The following HHIP variants were observed in gnomAD, a reference collection of about 807,000 sequenced individuals.
The protein encoded by HHIP is hedgehog-interacting protein.
In HHIP, 12 loss-of-function variants were observed where a neutral mutation model predicts 74.0. The ratio of observed to expected loss-of-function variants is 0.16; its 90% CI spans 0.10 to 0.26. The LOEUF is 0.26. HHIP is among the 10% of genes least tolerant of loss of function. The pLI is 1.00. For synonymous variants in HHIP, 309 were observed against 311.6 expected (o/e 0.99, Z 0.09); for missense variants, 788 against 845.0 (o/e 0.93, Z 0.84).
chr4:144,683,686 T>C (rs1729405062), intron 4 of HHIP, among the ~76,000 whole-genome samples: 1 of 152,192 alleles, frequency 6.6e-6, no homozygotes, highest in African/African-American at 2.4e-5. Context: ...CCTGTTTTTG[T>C]AAATAAAGTT....
intron 2 of HHIP, chr4:144,654,995 A>G (rs1172267754): frequency 6.6e-6 from 1 of 152,222 alleles, no homozygotes; most frequent in Non-Finnish European, 1.5e-5. Context: ...TTCCAGAGAC[A>G]TCTTCATTTG....
intron 4 of HHIP, among the ~76,000 whole-genome samples, chr4:144,666,744 G>T (rs1361194511): frequency 6.6e-6 from 1 of 152,182 alleles, no homozygotes; most frequent in South Asian, 2.1e-4. Context: ...CAGTGAGGAG[G>T]CTGAGAGCCC....
At chr4:144,656,431 A>T (rs753840420) in intron 2 of HHIP, among the ~76,000 whole-genome samples, 1 of 152,148 alleles carries the variant, frequency 6.6e-6, no homozygotes, top group African/African-American at 2.4e-5. Flanking sequence ...TTTGAAAATG[A>T]CTTCTCATTT....
chr4:144,674,284 A>T, intron 4 of HHIP, among the ~76,000 whole-genome samples: 1 of 152,208 alleles, frequency 6.6e-6, no homozygotes, highest in East Asian at 1.9e-4. Context: ...ATGAACACAT[A>T]TTTTAACTTC....
chr4:144,654,150 T>A (rs977079027), intron 2 of HHIP, among the ~76,000 whole-genome samples: 12 of 152,132 alleles, frequency 7.9e-5, no homozygotes, highest in African/African-American at 2.9e-4. Context: ...TTTGGGGACT[T>A]AACTGTGGGG....
At chr4:144,681,555 A>T (rs1056943022) in intron 4 of HHIP, among the ~76,000 whole-genome samples, 1 of 151,480 alleles carries the variant, frequency 6.6e-6, no homozygotes, top group South Asian at 2.1e-4. Flanking sequence ...CTCCCGAGTA[A>T]CTGGGACTAC....
At chr4:144,708,955 G>C (rs1014443378) in intron 7 of HHIP, among the ~76,000 whole-genome samples, 1 of 152,056 alleles carries the variant, frequency 6.6e-6, no homozygotes, top group Non-Finnish European at 1.5e-5. Flanking sequence ...CAAAACAAAG[G>C]AAAACTAAAA....
At chr4:144,707,505 C>T (rs1466633606) in intron 6 of HHIP, among the ~76,000 whole-genome samples, 1 of 151,320 alleles carries the variant, frequency 6.6e-6, no homozygotes, top group Non-Finnish European at 1.5e-5. Context: ...TGCCTCTGCT[C>T]CACAAAGCAC....
intron 11 of HHIP, among the ~76,000 whole-genome samples, chr4:144,731,961 G>C (rs1411054911): frequency 2.0e-5 from 3 of 152,164 alleles, no homozygotes; most frequent in Admixed American, 6.6e-5. Context: ...TCAGTGGTCT[G>C]TGTGAGGCTC....
intron 11 of HHIP, among the ~76,000 whole-genome samples, chr4:144,732,883 T>C (rs139903257): frequency 5.3e-4 from 81 of 152,324 alleles, no homozygotes; most frequent in Non-Finnish European, 9.4e-4. Context: ...AGAAATTAGA[T>C]GCACAGAATT....
intron 4 of HHIP, among the ~76,000 whole-genome samples, chr4:144,673,730 T>C (rs1211940411): frequency 6.6e-6 from 1 of 152,224 alleles, no homozygotes; most frequent in Non-Finnish European, 1.5e-5. Flanking sequence ...ATTTCTAACC[T>C]TTTAAATTGT....
chr4:144,668,566 A>G (rs1461034982), intron 4 of HHIP, among the ~76,000 whole-genome samples: 3 of 152,132 alleles, frequency 2.0e-5, no homozygotes, highest in East Asian at 3.9e-4. Flanking sequence ...ATCATGGCCA[A>G]TATAGTGAAA....
At chr4:144,712,621 A>G (rs534661455) in intron 8 of HHIP, among the ~76,000 whole-genome samples, 7 of 152,316 alleles carry the variant, frequency 4.6e-5, no homozygotes, top group African/African-American at 1.7e-4. Flanking sequence ...TGATTACTTG[A>G]ATATTTAGAG....
At chr4:144,681,406 T>C (rs1214688961) in intron 4 of HHIP, among the ~76,000 whole-genome samples, 1 of 150,750 alleles carries the variant, frequency 6.6e-6, no homozygotes, top group Non-Finnish European at 1.5e-5. Flanking sequence ...CAAAAGTCTA[T>C]CGGATTGCAG....
intron 4 of HHIP, among the ~76,000 whole-genome samples, chr4:144,672,099 G>C (rs561407135): frequency 2.4e-4 from 36 of 152,298 alleles, no homozygotes; most frequent in Non-Finnish European, 1.5e-5. Flanking sequence ...AAAAGATAAG[G>C]GTTCAGTGTG....
intron 4 of HHIP, among the ~76,000 whole-genome samples, chr4:144,692,750 G>C (rs115743344): frequency 0.026 from 3,992 of 152,240 alleles, 67 homozygotes; most frequent in Middle Eastern, 0.041. Flanking sequence ...AAATTTTCTT[G>C]AGCACCAATA....
chr4:144,729,980 T>A (rs913014016), intron 11 of HHIP, among the ~76,000 whole-genome samples: 1 of 152,324 alleles, frequency 6.6e-6, no homozygotes, highest in East Asian at 1.9e-4. Context: ...ACAGGATTTA[T>A]CCTCGTACCT....
At position 144,724,184 on chromosome 4, in the gene HHIP, C is replaced by T. The variant is rs1252955928; in HGVS notation, c.1760+5228C>T. ...TTCATACTTTAGTAAGATTTGCATA[C>T]ATGTACATGTGTACAGACACACTGA... On this transcript the variant is annotated intron_variant, in intron 11 of 12. Coordinates refer to ENST00000296575, the MANE Select transcript of HHIP (RefSeq NM_022475.3). Among the ~76,000 whole-genome samples the T allele has an allele frequency of 3.3e-5, 5 of 152,296 alleles. No individual in the cohort carries two copies. The East Asian group carries it at 9.6e-4, about 29-fold the overall frequency.
intron 4 of HHIP, among the ~76,000 whole-genome samples, chr4:144,671,781 G>A (rs575805170): frequency 1.3e-5 from 2 of 152,000 alleles, no homozygotes; most frequent in Admixed American, 6.6e-5. Context: ...TCAGGAGTTC[G>A]AGACCAGCCT....
Sources: allele counts gnomAD v4.1 joint callset (sites outside exome capture counted in the v4.1 genomes callset), GRCh38; gene constraint gnomAD v4.1.1; transcripts MANE v1.5; gene names NCBI Gene and HGNC (gene_info 2026-07-23, HGNC 2026-07-21).